UVSSA: variants seen among roughly 807,000 people sequenced by gnomAD.
UVSSA encodes the protein UV-stimulated scaffold protein A.
In UVSSA, 72 loss-of-function variants were observed where a neutral mutation model predicts 73.9. That is an observed-to-expected ratio of 0.97 (90% confidence interval 0.81 to 1.19). The LOEUF is 1.19. UVSSA is among the 50% of genes most tolerant of loss of function. The probability of loss-of-function intolerance (pLI) is 0.00; values close to 1 mark genes in which losing one functional copy is unlikely to be tolerated. For synonymous variants in UVSSA, 454 were observed against 391.3 expected (o/e 1.16, Z -1.89); for missense variants, 1,150 against 965.0 (o/e 1.19, Z -2.54).
At chr4:1,385,662 G>A (rs1720035043) in intron 13 of UVSSA, 11 of 593,736 alleles carry the variant, frequency 1.9e-5, no homozygotes, top group Admixed American at 3.0e-5. Flanking sequence ...ACCTGGGGCG[G>A]CCCTTTCTAA....
chr4:1,377,134 C>T (rs969530482), intron 10 of UVSSA, among the ~76,000 whole-genome samples: 2 of 152,012 alleles, frequency 1.3e-5, no homozygotes, highest in Non-Finnish European at 2.9e-5. Context: ...CTCCAGAGAG[C>T]GGGGGGGCAG....
Position 1,395,214 on chromosome 4 carries a change from C to T in UVSSA, c.*9253C>T, listed in dbSNP as rs1489090595. 14 of 1,452,588 alleles carry T rather than the reference C, an allele frequency of 9.6e-6. 1 individual carries two copies. The East Asian group carries it at 1.2e-4, about 12-fold the overall frequency. 90.0% of individuals were successfully genotyped at this position (1,452,588 alleles called of 1,614,324 possible). The stretch of plus-strand genomic sequence containing the variant: ...GGAGTGCCCGCCTGCTCACACGTGC[C>T]GATGCGGAGTGCCCGCCTGCTCACA... On this transcript the variant is annotated 3_prime_UTR_variant, in exon 14 of 14. Coordinates refer to the UVSSA transcript ENST00000511216.
chr4:1,393,019 A>C (rs996411126), downstream of UVSSA: 1 of 152,134 alleles, frequency 6.6e-6, no homozygotes, highest in Admixed American at 6.5e-5. Flanking sequence ...TCGTTTCTCG[A>C]AATATTTTAT....
At chr4:1,382,474 G>A (rs542299992) in intron 12 of UVSSA, among the ~76,000 whole-genome samples, 1 of 152,334 alleles carries the variant, frequency 6.6e-6, no homozygotes, top group South Asian at 2.1e-4. Context: ...GCCCGTCAGC[G>A]CCCAGGAAGG....
intron 5 of UVSSA, 111 bp from the exon 6 acceptor site, chr4:1,354,624 T>G (rs1190551963): frequency 1.1e-6 from 1 of 879,758 alleles, no homozygotes; most frequent in Non-Finnish European, 1.8e-6. Flanking sequence ...CATGGGCGTC[T>G]GGCAGGTTCC....
chr4:1,372,304 T>C (rs1284576029), intron 8 of UVSSA, among the ~76,000 whole-genome samples: 1 of 152,214 alleles, frequency 6.6e-6, no homozygotes, highest in African/African-American at 2.4e-5. Context: ...TACGAAGTCT[T>C]CAAAAGACAC....
intron 8 of UVSSA, 51 bp from the exon 9 acceptor site, chr4:1,375,313 C>A: frequency 6.2e-7 from 1 of 1,605,136 alleles, no homozygotes; most frequent in Non-Finnish European, 8.5e-7. Context: ...GCCTGATGTG[C>A]CTGGCGGGTT....
chr4:1,373,554 C>T (rs1278912847), intron 8 of UVSSA, among the ~76,000 whole-genome samples: 7 of 152,182 alleles, frequency 4.6e-5, no homozygotes, highest in Admixed American at 3.3e-4. Flanking sequence ...CTGTGTTAAC[C>T]GTCTCGGGCC....
chr4:1,384,955 G>T (rs1412520750), intron 13 of UVSSA: 1 of 152,366 alleles, frequency 6.6e-6, no homozygotes, highest in Non-Finnish European at 1.5e-5. Context: ...GGGGCCCCTG[G>T]CACAGGGCTG....
Position 1,386,029 on chromosome 4 carries a change from G to A in UVSSA, c.*68G>A. ...TGCCAGTGTCTCAGGACAGCAGAGTGGGCGTGGGTCTGGGCAGTAACCATG... is the reference window on the plus strand; with the variant it reads ...TGCCAGTGTCTCAGGACAGCAGAGTAGGCGTGGGTCTGGGCAGTAACCATG... On this transcript the variant is annotated 3_prime_UTR_variant, in exon 14 of 14. Coordinates refer to ENST00000389851, the MANE Select transcript of UVSSA (RefSeq NM_020894.4). The A allele has an allele frequency of 2.2e-5, 34 of 1,533,124 alleles. No homozygotes were observed. In the South Asian group the frequency reaches 3.7e-4, roughly 17 times the overall value. 95.0% of individuals were successfully genotyped at this position (1,533,124 alleles called of 1,614,324 possible). A position where few individuals can be genotyped will look rare whatever the true frequency, so the allele number is the denominator to read the frequency against.
chr4:1,366,449 T>G lies in UVSSA; in HGVS notation c.1288+18T>G, dbSNP rs374385190. 85 of 1,569,206 alleles carry G rather than the reference T, an allele frequency of 5.4e-5. No homozygotes were observed. In the African/African-American group the frequency reaches 9.8e-4, roughly 18 times the overall value. ...TGAGTATGGTGAGCAGTGGGTCCCGTGGGGGGGGCACCTGGGTGGAGGGTC... is the reference window on the plus strand; with the variant it reads ...TGAGTATGGTGAGCAGTGGGTCCCGGGGGGGGGGCACCTGGGTGGAGGGTC... On this transcript the variant is annotated intron_variant, in intron 8 of 13. Transcript: ENST00000389851.
chr4:1,348,996 G>T (rs1410168611), intron 2 of UVSSA, among the ~76,000 whole-genome samples: 1 of 150,236 alleles, frequency 6.7e-6, no homozygotes, highest in Non-Finnish European at 1.5e-5. Context: ...GTGCCGGGCG[G>T]TGTGCGTTGT....
At chr4:1,359,078 A>G (rs1449227232) in intron 7 of UVSSA, 1 of 152,220 alleles carries the variant, frequency 6.6e-6, no homozygotes, top group Non-Finnish European at 1.5e-5. Context: ...CTTGGTTTCT[A>G]CGTAATACTG....
At chr4:1,370,620 G>A (rs1181791812) in intron 8 of UVSSA, among the ~76,000 whole-genome samples, 2 of 152,260 alleles carry the variant, frequency 1.3e-5, no homozygotes, top group African/African-American at 4.8e-5. Flanking sequence ...GGGGCCACAT[G>A]AGGCCTTGTC....
intron 7 of UVSSA, among the ~76,000 whole-genome samples, chr4:1,360,991 C>T (rs1465667219): frequency 6.6e-6 from 1 of 152,224 alleles, no homozygotes; most frequent in Non-Finnish European, 1.5e-5. Context: ...AGTTTGGCTG[C>T]CCCAGGAGAA....
chr4:1,366,017 AT>A (rs1717276485), intron 7 of UVSSA: 1 of 224,578 alleles, frequency 4.5e-6, no homozygotes. Context: ...GTGTGACGCC[AT>A]TCCACAGGAG....
chr4:1,382,504 A>G (rs1312428492), intron 12 of UVSSA, among the ~76,000 whole-genome samples: 5 of 152,146 alleles, frequency 3.3e-5, no homozygotes, highest in Non-Finnish European at 7.4e-5. Flanking sequence ...CCCAGCATCT[A>G]TTGATTTTCC....
Position 1,351,738 on chromosome 4 carries a change from T to G in UVSSA, c.453T>G (p.Ala151=), listed in dbSNP as rs1354889279. 1.9e-6 allele frequency: 3 copies of G among 1,613,516 alleles called. No individual in the cohort carries two copies. Among genetic ancestry groups the G allele is most frequent in the Non-Finnish European group, 2.5e-6 (3 of 1,179,766 alleles). ...AGGTGGATTTTCAAGACACGAATGC[T>G]CGGAGTCTGGCAGAAAGGAAGAGAG... The part of the protein sequence containing the change: ...NKKVDFQDTN[A]RSLAERKREE... Residue 151 remains alanine, a synonymous_variant, in exon 4 of 14, where the codon GCT becomes GCG. Transcript: ENST00000389851.
At chr4:1,348,044 TAA>T in intron 1 of UVSSA, 44 bp from the exon 2 acceptor site, 1 of 1,486,228 alleles carries the variant, frequency 6.7e-7, no homozygotes, top group Non-Finnish European at 9.4e-7. Context: ...CCGAGAGCTA[TAA>T]AATACAGATG....
Sources: gnomAD v4.1 joint callset for allele counts (sites outside exome capture counted in the v4.1 genomes callset) on GRCh38, gnomAD v4.1.1 for gene constraint, MANE v1.5 for transcripts, NCBI Gene and HGNC (gene_info 2026-07-23, HGNC 2026-07-21) for gene names.